Variants in AKR1C8 observed in about 807,000 individuals in gnomAD.
AKR1C8 encodes the protein aldo-keto reductase family 1 member C8.
the AKR1C8 span, among the ~76,000 whole-genome samples, chr10:5,126,759 ACACT>A: frequency 4.6e-5 from 7 of 152,122 alleles, no homozygotes; most frequent in Non-Finnish European, 1.0e-4. Context: ...ACTTGCCCAC[ACACT>A]GAGTATATAG....
chr10:5,146,562 T>C, the AKR1C8 span, among the ~76,000 whole-genome samples: 1 of 152,150 alleles, frequency 6.6e-6, no homozygotes. Context: ...TTTTTGCAGA[T>C]GCATAAACTA....
At chr10:5,153,538 T>G in the AKR1C8 span, among the ~76,000 whole-genome samples, 1 of 152,144 alleles carries the variant, frequency 6.6e-6, no homozygotes. Context: ...TTATAAAAGT[T>G]TAATTGGCTC....
At chr10:5,167,739 C>A in the AKR1C8 span, among the ~76,000 whole-genome samples, 1 of 151,874 alleles carries the variant, frequency 6.6e-6, no homozygotes, top group Non-Finnish European at 1.5e-5. Context: ...TGTAAGTAAC[C>A]TGCACATTGT....
At chr10:5,146,289 T>A in the AKR1C8 span, among the ~76,000 whole-genome samples, 37 of 151,878 alleles carry the variant, frequency 2.4e-4, no homozygotes, top group Non-Finnish European at 4.6e-4. Flanking sequence ...ATGGCACATG[T>A]ATACGTATGT....
chr10:5,171,137 A>G, the AKR1C8 span, among the ~76,000 whole-genome samples: 7 of 152,062 alleles, frequency 4.6e-5, no homozygotes, highest in Non-Finnish European at 8.8e-5. Flanking sequence ...AGTCCTGAAC[A>G]TTTTTCCTCT....
At chr10:5,157,483 C>A in the AKR1C8 span, among the ~76,000 whole-genome samples, 1 of 152,170 alleles carries the variant, frequency 6.6e-6, no homozygotes, top group Non-Finnish European at 1.5e-5. Context: ...GAGTTCAGTG[C>A]CCTCTCGTCG....
the AKR1C8 span, chr10:5,161,638 C>T: frequency 1.9e-6 from 1 of 525,064 alleles, no homozygotes; most frequent in Non-Finnish European, 3.9e-6. Context: ...AATCTGAATC[C>T]CCCTTAAGGC....
At chr10:5,176,393 G>C in the AKR1C8 span, among the ~76,000 whole-genome samples, 50 of 144,746 alleles carry the variant, frequency 3.5e-4, 1 homozygote, top group Non-Finnish European at 6.1e-4. Flanking sequence ...TTGTAGTATA[G>C]TTTGAAGTCA....
the AKR1C8 span, among the ~76,000 whole-genome samples, chr10:5,131,802 G>T: frequency 6.6e-6 from 1 of 152,060 alleles, no homozygotes; most frequent in Non-Finnish European, 1.5e-5. Context: ...AAAGAACTCA[G>T]AAGTAGATCT....
the AKR1C8 span, chr10:5,160,039 G>C: frequency 3.1e-6 from 1 of 320,306 alleles, no homozygotes; most frequent in Admixed American, 4.7e-5. Flanking sequence ...TAGACCTTTA[G>C]TGTAAATTTT....
chr10:5,155,731 C>T, the AKR1C8 span: 1 of 477,048 alleles, frequency 2.1e-6, no homozygotes, highest in East Asian at 6.5e-5. Context: ...CTTTCATGTC[C>T]TCTGGAGTCA....
At chr10:5,155,892 G>C in the AKR1C8 span, 1 of 350,672 alleles carries the variant, frequency 2.9e-6, no homozygotes, top group South Asian at 2.4e-5. Context: ...GCTTCCAGGT[G>C]CATGTGGCTT....
chr10:5,158,425 A>C, the AKR1C8 span, among the ~76,000 whole-genome samples: 1 of 152,176 alleles, frequency 6.6e-6, no homozygotes, highest in East Asian at 1.9e-4. Flanking sequence ...GGAAGGAAAG[A>C]ATGTTGGTGA....
chr10:5,155,073 G>A, the AKR1C8 span: 4 of 152,170 alleles, frequency 2.6e-5, no homozygotes, highest in Non-Finnish European at 5.9e-5. Context: ...CTGAGGAAAT[G>A]GGAGTTGTGG....
the AKR1C8 span, among the ~76,000 whole-genome samples, chr10:5,120,526 A>G: frequency 6.6e-6 from 1 of 152,022 alleles, no homozygotes; most frequent in South Asian, 2.1e-4. Context: ...GTCCTTTCCA[A>G]CTGAATGTGA....
the AKR1C8 span, among the ~76,000 whole-genome samples, chr10:5,140,086 A>C: frequency 1.3e-5 from 2 of 152,272 alleles, no homozygotes; most frequent in Admixed American, 6.5e-5. Context: ...GCAAATCAAA[A>C]CCACAATGAG....
chr10:5,180,168 C>A, the AKR1C8 span, among the ~76,000 whole-genome samples: 1 of 152,164 alleles, frequency 6.6e-6, no homozygotes, highest in Admixed American at 6.5e-5. Context: ...GATGTCCTTT[C>A]TTTTTGTTAG....
chr10:5,131,294 C>T, the AKR1C8 span, among the ~76,000 whole-genome samples: 1 of 151,942 alleles, frequency 6.6e-6, no homozygotes, highest in East Asian at 1.9e-4. Context: ...CTAAGACCCC[C>T]AAAAGCAAAT....
chr10:5,166,886 T>C, the AKR1C8 span, among the ~76,000 whole-genome samples: 1 of 151,358 alleles, frequency 6.6e-6, no homozygotes, highest in Non-Finnish European at 1.5e-5. Flanking sequence ...TGCAATCTAC[T>C]CATCTGACAA....
Sources: allele counts gnomAD v4.1 joint callset (sites outside exome capture counted in the v4.1 genomes callset), GRCh38; gene constraint gnomAD v4.1.1; transcripts MANE v1.5; gene names NCBI Gene and HGNC (gene_info 2026-07-23, HGNC 2026-07-21).